The following NDUFB2 variants were observed in gnomAD, a reference collection of about 807,000 sequenced individuals.
NDUFB2 encodes NADH dehydrogenase [ubiquinone] 1 beta subcomplex subunit 2, mitochondrial.
A neutral mutation model predicts 13.4 loss-of-function variants in NDUFB2; 13 were observed. The observed-to-expected ratio is 0.97, with a 90% confidence interval of 0.63 to 1.54. The LOEUF (loss-of-function observed/expected upper bound fraction) is 1.54, where lower values mean the gene tolerates loss of function less well. Ranked by LOEUF, NDUFB2 falls within the 40% of genes most tolerant of loss-of-function variation. The probability of loss-of-function intolerance (pLI) is 0.00; values close to 1 mark genes in which losing one functional copy is unlikely to be tolerated. For synonymous variants in NDUFB2, 47 were observed against 50.6 expected (o/e 0.93, Z 0.30); for missense variants, 150 against 139.7 (o/e 1.07, Z -0.37).
Position 140,697,538 on chromosome 7 carries a change from G to A in NDUFB2, c.98+696G>A. The A allele has an allele frequency of 1.6e-5, 10 of 608,042 alleles. 1 individual carries two copies. The highest frequency in any genetic ancestry group is 2.9e-5 in the Non-Finnish European group (10 of 345,150). 37.7% of individuals were successfully genotyped at this position (608,042 alleles called of 1,614,324 possible). A position where few individuals can be genotyped will look rare whatever the true frequency, so the allele number is the denominator to read the frequency against. On this transcript the variant is annotated intron_variant, in intron 1 of 3. Transcript: ENST00000247866. ...CGAGGTAGGGAGCGGGTGCGAGGTA[G>A]GGAGCAGCTGCCGAAGCCGAGTTAG...
chr7:140,698,365 A>C, intron 1 of NDUFB2: 1 of 1,300,798 alleles, frequency 7.7e-7, no homozygotes, highest in South Asian at 1.2e-5. Flanking sequence ...GCTCCTTTCT[A>C]GGTGCTGAGG....
At chr7:140,698,795 T>C (rs1420905421) in intron 1 of NDUFB2, among the ~76,000 whole-genome samples, 1 of 152,162 alleles carries the variant, frequency 6.6e-6, no homozygotes, top group Non-Finnish European at 1.5e-5. Context: ...CGGAATTTTA[T>C]TCTAAGAATC....
At position 140,703,017 on chromosome 7, in the gene NDUFB2, G is replaced by T. The variant is rs1212638861; in HGVS notation, c.243+7G>T. 4.3e-6 allele frequency: 7 copies of T among 1,613,406 alleles called. No individual in the cohort carries two copies. The highest frequency in any genetic ancestry group is 5.9e-6 in the Non-Finnish European group (7 of 1,179,532). ...TGACTCAGAAGAGGTGCTGGTAAGT[G>T]CAGGAGAAGAGCACTTGTCGTTTTT... On this transcript the variant is annotated splice_region_variant and intron_variant, in intron 2 of 3. Transcript: ENST00000247866.
chr7:140,702,222 T>C (rs2130801332), intron 1 of NDUFB2, among the ~76,000 whole-genome samples: 1 of 152,310 alleles, frequency 6.6e-6, no homozygotes, highest in Non-Finnish European at 1.5e-5. Flanking sequence ...ATAGCCCCAG[T>C]AGGTGCAAAT....
intron 2 of NDUFB2, 45 bp from the exon 3 acceptor site, chr7:140,704,815 A>G: frequency 7.5e-7 from 1 of 1,330,884 alleles, no homozygotes. Context: ...AGTTGCACAG[A>G]ATGTAAATTC....
At position 140,702,907 on chromosome 7, in the gene NDUFB2, T is replaced by TC; in HGVS notation, c.145dup (p.Gln49ProfsTer28). ...CACATTGAGCCCCGGTATAGACAGT[T>TC]CCCCCAGCTGACCAGATCCCAGGTG... is the stretch of plus-strand genomic sequence containing the variant. On this transcript the variant is annotated frameshift_variant, in exon 2 of 4. Transcript: ENST00000247866. LOFTEE classifies it high-confidence loss of function. 12 of 1,614,082 alleles carry TC rather than the reference T, an allele frequency of 7.4e-6. No homozygotes were observed. Among genetic ancestry groups the TC allele is most frequent in the Non-Finnish European group, 1.0e-5 (12 of 1,180,032 alleles).
In NDUFB2 at chr7:140,704,607, C is replaced by A. The variant is rs146361028; in HGVS notation, c.244-253C>A. Among the ~76,000 whole-genome samples, 524 of 152,304 alleles carry A rather than the reference C, an allele frequency of 3.4e-3. 3 individuals carry two copies. Among genetic ancestry groups the A allele is most frequent in the African/African-American group, 0.012 (501 of 41,578 alleles). On this transcript the variant is annotated intron_variant, in intron 2 of 3. Coordinates refer to ENST00000247866, the MANE Select transcript of NDUFB2 (RefSeq NM_004546.3). ...CCACTTCCCCCTACCCTCCCTCTAT[C>A]ACAGACACGTACCATTGGCTTAGGC...
intron 3 of NDUFB2, chr7:140,706,327 T>TAGA: frequency 6.6e-6 from 1 of 152,094 alleles, no homozygotes; most frequent in African/African-American, 2.4e-5. Context: ...ATCCACCTCT[T>TAGA]GGCTTCCCAA....
intron 1 of NDUFB2, chr7:140,698,210 C>A: frequency 7.4e-7 from 1 of 1,352,016 alleles, no homozygotes; most frequent in East Asian, 4.5e-5. Context: ...GATGGAGAGC[C>A]ATGAGCGACA....
intron 1 of NDUFB2, among the ~76,000 whole-genome samples, chr7:140,699,767 C>T (rs1383017966): frequency 6.6e-6 from 1 of 150,964 alleles, no homozygotes; most frequent in African/African-American, 2.4e-5. Flanking sequence ...TGGATTCCTT[C>T]CTTTTGTGCC....
chr7:140,698,152 G>GTGGGCAGGAGC, intron 1 of NDUFB2: 5 of 1,352,128 alleles, frequency 3.7e-6, no homozygotes, highest in Non-Finnish European at 3.9e-6. Flanking sequence ...TGGGGCAGGT[G>GTGGGCAGGAGC]TGGGGTGGGC....
At chr7:140,697,550 C>G (rs571451070) in intron 1 of NDUFB2, among the ~76,000 whole-genome samples, 2 of 151,772 alleles carry the variant, frequency 1.3e-5, no homozygotes, top group East Asian at 3.9e-4. Flanking sequence ...GAGCAGCTGC[C>G]GAAGCCGAGT....
rs776196395 is a variant in NDUFB2, at chr7:140,696,809, G to A, written c.65G>A (p.Cys22Tyr). ...GGAGGCCGCCTTTTCAGAAGCGGCT[G>A]CGCACGGACTGCTGGAGATGGTGGA... ...RVGGRLFRSGCARTAGDGGVR... is the reference protein window; with the variant it reads ...RVGGRLFRSGYARTAGDGGVR... The change falls in exon 1 of 4, where the codon TGC becomes TAC. Residue 22 changes from cysteine to tyrosine, a missense_variant. Coordinates refer to ENST00000247866, the MANE Select transcript of NDUFB2 (RefSeq NM_004546.3). 1.2e-6 allele frequency: 2 copies of A among 1,609,328 alleles called. No homozygotes were observed. The highest frequency in any genetic ancestry group is 1.1e-5 in the South Asian group (1 of 90,270).
chr7:140,703,116 G>A (rs138219315), intron 2 of NDUFB2, 106 bp downstream of exon 2: 13 of 1,387,510 alleles, frequency 9.4e-6, no homozygotes, highest in Admixed American at 4.2e-5. Context: ...TCTGGACATC[G>A]CCCTTTGCCA....
intron 1 of NDUFB2, among the ~76,000 whole-genome samples, chr7:140,699,465 T>A (rs899876079): frequency 6.6e-6 from 1 of 152,200 alleles, no homozygotes; most frequent in African/African-American, 2.4e-5. Flanking sequence ...CCAACGCAGG[T>A]AATGTGAATT....
At chr7:140,697,097 G>T (rs1057499094) in intron 1 of NDUFB2, 8 of 587,970 alleles carry the variant, frequency 1.4e-5, no homozygotes, top group Admixed American at 3.1e-5. Context: ...GCCTGCCCTC[G>T]GGAGACGCAC....
At chr7:140,698,262 C>T (rs979179127) in intron 1 of NDUFB2, 1 of 1,351,458 alleles carries the variant, frequency 7.4e-7, no homozygotes, top group African/African-American at 1.5e-5. Flanking sequence ...TGCCGATCTT[C>T]CCTGAGGTGC....
chr7:140,701,983 A>T (rs959946463), intron 1 of NDUFB2: 4 of 690,006 alleles, frequency 5.8e-6, no homozygotes, highest in Non-Finnish European at 1.1e-5. Flanking sequence ...TGTATCAAGA[A>T]CCACTGCCCT....
At chr7:140,697,022 G>C (rs1407108269) in intron 1 of NDUFB2, 180 bp downstream of exon 1, 5 of 623,568 alleles carry the variant, frequency 8.0e-6, no homozygotes, top group Non-Finnish European at 1.1e-5. Context: ...TGGCCGGAGG[G>C]AGAGGGAGAG....
Sources: gnomAD v4.1 joint callset for allele counts (sites outside exome capture counted in the v4.1 genomes callset) on GRCh38, gnomAD v4.1.1 for gene constraint, MANE v1.5 for transcripts, NCBI Gene and HGNC (gene_info 2026-07-23, HGNC 2026-07-21) for gene names.